The following DAB1 variants were observed in gnomAD, a reference collection of about 807,000 sequenced individuals.
DAB1 encodes DAB adaptor protein 1.
Under a neutral mutation model 64.6 loss-of-function variants are expected in DAB1, and 15 were observed. The observed-to-expected ratio is 0.23, with a 90% CI of 0.16 to 0.36. The LOEUF is 0.36. Among genes scored for constraint, DAB1 ranks in the 10% least tolerant of loss-of-function variants. The pLI is 1.00. For synonymous variants in DAB1, 235 were observed against 251.9 expected (o/e 0.93, Z 0.64); for missense variants, 596 against 706.7 (o/e 0.84, Z 1.78).
chr1:58,127,358 A>C (rs1485109337), intron 5 of DAB1, among the ~76,000 whole-genome samples: 4 of 151,936 alleles, frequency 2.6e-5, no homozygotes, highest in Non-Finnish European at 5.9e-5. Context: ...TCTGGATATT[A>C]GCCCTTTGTC....
chr1:57,218,947 T>C (rs1023518559), intron 2 of DAB1, among the ~76,000 whole-genome samples: 2 of 152,104 alleles, frequency 1.3e-5, no homozygotes, highest in African/African-American at 2.4e-5. Flanking sequence ...TCTGGAATTA[T>C]ACAGGGGGAA....
At chr1:58,037,600 G>A (rs1444331866) in intron 5 of DAB1, among the ~76,000 whole-genome samples, 1 of 152,130 alleles carries the variant, frequency 6.6e-6, no homozygotes, top group Admixed American at 6.5e-5. Context: ...GATCTGAGGT[G>A]GAACAGTTTC....
chr1:58,167,148 T>A (rs1383883187), intron 4 of DAB1, among the ~76,000 whole-genome samples: 1 of 152,198 alleles, frequency 6.6e-6, no homozygotes, highest in Non-Finnish European at 1.5e-5. Context: ...TTTCAGTTTC[T>A]GTATATCCTA....
At chr1:57,020,976 C>T (rs1267022933) in intron 11 of DAB1, among the ~76,000 whole-genome samples, 1 of 152,172 alleles carries the variant, frequency 6.6e-6, no homozygotes, top group Non-Finnish European at 1.5e-5. Context: ...CAGTTCACTT[C>T]CCTGTCTCCT....
chr1:58,296,243 AAGAAAG>A (rs1442775279), intron 4 of DAB1, among the ~76,000 whole-genome samples: 2 of 151,458 alleles, frequency 1.3e-5, no homozygotes, highest in Non-Finnish European at 2.9e-5. Flanking sequence ...GAAAGAAAGA[AAGAAAG>A]AAAGAAAGAA....
chr1:57,307,520 A>G (rs1216750476), intron 1 of DAB1, among the ~76,000 whole-genome samples: 1 of 148,024 alleles, frequency 6.8e-6, no homozygotes, highest in African/African-American at 2.6e-5. Context: ...CTCCCAGACC[A>G]CACCTCCTTC....
chr1:57,055,288 G>C (rs994601750), intron 9 of DAB1, among the ~76,000 whole-genome samples: 5 of 152,186 alleles, frequency 3.3e-5, no homozygotes, highest in African/African-American at 1.2e-4. Flanking sequence ...AAGGGTGCAG[G>C]AGAGAAGCAT....
intron 6 of DAB1, among the ~76,000 whole-genome samples, chr1:57,735,934 C>G (rs1647670885): frequency 6.6e-6 from 1 of 152,014 alleles, no homozygotes; most frequent in Admixed American, 6.6e-5. Flanking sequence ...GAAATGATAG[C>G]CTTTTTGGTT....
chr1:57,015,719 C>A (rs1646408904), intron 11 of DAB1, among the ~76,000 whole-genome samples: 1 of 152,172 alleles, frequency 6.6e-6, no homozygotes, highest in African/African-American at 2.4e-5. Context: ...AGTCTCATAG[C>A]CTCAGAAGCT....
chr1:57,133,308 T>C (rs956163853), intron 4 of DAB1, among the ~76,000 whole-genome samples: 1 of 152,162 alleles, frequency 6.6e-6, no homozygotes, highest in Admixed American at 6.5e-5. Context: ...TTCTATGGAT[T>C]AACATGGTGA....
At chr1:58,128,940 C>A (rs1181000452) in intron 5 of DAB1, among the ~76,000 whole-genome samples, 8 of 144,816 alleles carry the variant, frequency 5.5e-5, no homozygotes, top group East Asian at 2.1e-4. Flanking sequence ...TGTCTCTGCC[C>A]GGCTTTGGTA....
intron 14 of DAB1, among the ~76,000 whole-genome samples, chr1:57,002,388 G>T (rs1379754347): frequency 1.3e-5 from 2 of 152,172 alleles, no homozygotes; most frequent in Admixed American, 1.3e-4. Context: ...CTGAAAGAGG[G>T]TGTTAGAAAG....
intron 3 of DAB1, among the ~76,000 whole-genome samples, chr1:58,478,611 CT>C (rs1645442782): frequency 6.6e-6 from 1 of 152,040 alleles, no homozygotes; most frequent in African/African-American, 2.4e-5. Flanking sequence ...ATTGTTTCTC[CT>C]TTTTTTCAAT....
At position 57,518,071 on chromosome 1, in the gene DAB1, A is replaced by C. The variant is rs148176944; in HGVS notation, n.625+131521T>G. 7.9e-4 allele frequency among the ~76,000 whole-genome samples: 121 copies of C among 152,274 alleles called. 1 individual carries two copies. The East Asian group carries it at 0.019, about 24-fold the overall frequency. On this transcript the variant is annotated intron_variant and non_coding_transcript_variant, in intron 7 of 20. Transcript: ENST00000485760. ...TGAGCACAAGAAATTTGACTCCTTT[A>C]TATCTTGATTCCCATGGGATCCAAA...
At chr1:57,581,368 G>A (rs2101551502) in intron 7 of DAB1, among the ~76,000 whole-genome samples, 1 of 152,262 alleles carries the variant, frequency 6.6e-6, no homozygotes, top group East Asian at 1.9e-4. Flanking sequence ...AGCTTCAAAG[G>A]AGTGGGCTGT....
intron 1 of DAB1, among the ~76,000 whole-genome samples, chr1:57,421,509 C>G (rs929884242): frequency 3.9e-5 from 6 of 152,160 alleles, no homozygotes; most frequent in Non-Finnish European, 7.4e-5. Context: ...GCACCGTTCC[C>G]AAGAAGATGG....
chr1:57,695,383 A>G lies in DAB1; in HGVS notation n.552-45718T>C, dbSNP rs1203411519. ...AAAGAAGAAAGAAAGAAAGAAAGAA[A>G]GAAAGAAAGAAAGAAAGAAAGAAAG... On this transcript the variant is annotated intron_variant and non_coding_transcript_variant, in intron 6 of 20. Coordinates refer to the DAB1 transcript ENST00000485760. 3.1e-5 allele frequency among the ~76,000 whole-genome samples: 3 copies of G among 95,532 alleles called. No individual in the cohort carries two copies. In the East Asian group the frequency reaches 9.4e-4, roughly 30 times the overall value. 62.7% of individuals were successfully genotyped at this position (95,532 alleles called of 152,430 possible). A position where few individuals can be genotyped will look rare whatever the true frequency, so the allele number is the denominator to read the frequency against.
intron 5 of DAB1, among the ~76,000 whole-genome samples, chr1:58,051,920 G>A (rs756290175): frequency 6.6e-6 from 1 of 152,208 alleles, no homozygotes. Context: ...ATTTGTTTAA[G>A]TTCTTTGTAG....
At chr1:58,070,563 GT>G (rs1649171358) in intron 5 of DAB1, among the ~76,000 whole-genome samples, 1 of 152,190 alleles carries the variant, frequency 6.6e-6, no homozygotes, top group South Asian at 2.1e-4. Flanking sequence ...TTGGAACTGT[GT>G]TCTAGAAATA....
Sources: gnomAD v4.1 joint callset for allele counts (sites outside exome capture counted in the v4.1 genomes callset) on GRCh38, gnomAD v4.1.1 for gene constraint, MANE v1.5 for transcripts, NCBI Gene and HGNC (gene_info 2026-07-23, HGNC 2026-07-21) for gene names.